Variants in SRGAP1 observed in about 807,000 individuals in gnomAD.
SRGAP1 encodes the protein SLIT-ROBO Rho GTPase-activating protein 1.
Under a neutral mutation model 121.9 loss-of-function variants are expected in SRGAP1, and 43 were observed. That is an observed-to-expected ratio of 0.35 (90% CI 0.28 to 0.46). SRGAP1 has a LOEUF of 0.46. Ranked by LOEUF, SRGAP1 falls within the 20% of genes least tolerant of loss-of-function variation. The probability of loss-of-function intolerance (pLI) is 1.00; values close to 1 mark genes in which losing one functional copy is unlikely to be tolerated. For missense variants in SRGAP1, 1,102 were observed against 1,350.9 expected, an observed-to-expected ratio of 0.82 and a Z score of 2.89; for synonymous variants, 447 against 485.4, an observed-to-expected ratio of 0.92 and a Z score of 1.04.
intron 18 of SRGAP1, among the ~76,000 whole-genome samples, chr12:64,117,571 T>A (rs1324858433): frequency 6.6e-6 from 1 of 152,238 alleles, no homozygotes; most frequent in Non-Finnish European, 1.5e-5. Flanking sequence ...CTTTAAGAAA[T>A]CCTTCTGTGT....
chr12:63,880,344 G>A (rs1239900566), intron 1 of SRGAP1, among the ~76,000 whole-genome samples: 1 of 151,970 alleles, frequency 6.6e-6, no homozygotes, highest in Admixed American at 6.6e-5. Flanking sequence ...TGATTCTCCT[G>A]ACTCAGCCTC....
chr12:64,125,581 A>G (rs1347341236), intron 18 of SRGAP1, among the ~76,000 whole-genome samples: 1 of 152,222 alleles, frequency 6.6e-6, no homozygotes, highest in Non-Finnish European at 1.5e-5. Flanking sequence ...ACATGTTACA[A>G]GGAAATTCCC....
In SRGAP1 at chr12:63,883,081, G is replaced by A. The variant is rs115533301; in HGVS notation, c.67+38198G>A. ...CACAGCTGCCTTGCAGGAGATGCAG[G>A]CCCACCTGCCAGCCCCATTATTCCC... On this transcript the variant is annotated intron_variant, in intron 1 of 21. Coordinates refer to ENST00000355086, the MANE Select transcript of SRGAP1 (RefSeq NM_020762.4). Among the ~76,000 whole-genome samples the A allele has an allele frequency of 9.4e-3, 1,427 of 152,330 alleles. 29 individuals are homozygous for A. Among genetic ancestry groups the A allele is most frequent in the African/African-American group, 0.032 (1,324 of 41,566 alleles).
intron 1 of SRGAP1, among the ~76,000 whole-genome samples, chr12:63,863,718 G>T (rs971699441): frequency 2.0e-5 from 3 of 152,166 alleles, no homozygotes; most frequent in African/African-American, 7.2e-5. Context: ...ACATCTATCT[G>T]TATTGTTAAA....
At chr12:64,028,575 A>G (rs2034703856) in intron 4 of SRGAP1, among the ~76,000 whole-genome samples, 1 of 152,224 alleles carries the variant, frequency 6.6e-6, no homozygotes. Context: ...CCAGTTCTAG[A>G]GCTGGGACAT....
At chr12:63,916,032 C>CTTTTTTTTTTTT (rs140042368) in intron 1 of SRGAP1, among the ~76,000 whole-genome samples, 8 of 125,182 alleles carry the variant, frequency 6.4e-5, no homozygotes, top group Non-Finnish European at 1.3e-4. Flanking sequence ...CTTTTCTTTT[C>CTTTTTTTTTTTT]TTTTTTTTTT....
At chr12:63,936,028 A>G (rs1420910088) in intron 1 of SRGAP1, among the ~76,000 whole-genome samples, 1 of 152,236 alleles carries the variant, frequency 6.6e-6, no homozygotes, top group Non-Finnish European at 1.5e-5. Context: ...ATCTCCTCTG[A>G]TGAGAGTAGG....
At chr12:63,921,054 G>A (rs1386011327) in intron 1 of SRGAP1, among the ~76,000 whole-genome samples, 1 of 152,016 alleles carries the variant, frequency 6.6e-6, no homozygotes, top group African/African-American at 2.4e-5. Context: ...TCAGTGAGTG[G>A]TGGCCCATCC....
rs894032151 is a variant in SRGAP1, at chr12:63,855,767, C to T, written c.67+10884C>T. On this transcript the variant is annotated intron_variant, in intron 1 of 21. Transcript: ENST00000355086. ...CCTTCCAAAGTGCTGGGATTACAGG[C>T]GTGAGCCACCATGCCCAGCCAGAAT... Among the ~76,000 whole-genome samples the T allele has an allele frequency of 1.1e-4, 17 of 151,150 alleles. No homozygotes were observed. The East Asian group carries it at 2.8e-3, about 25-fold the overall frequency.
rs958957203 is a variant in SRGAP1 at position 64,127,650 on chromosome 12, A to G, written c.2466A>G (p.Pro822=). Residue 822 remains proline, a synonymous_variant, in exon 20 of 22, where the codon CCA becomes CCG. Transcript: ENST00000355086. ...QKADSEASSG[P]VTEDKSSSKD... is the part of the protein sequence containing the mutation. ...CCGACAGTGAGGCCAGCAGTGGGCC[A>G]GTCACGGAAGACAAGTCCTCATCCA... The G allele has an allele frequency of 6.2e-7, 1 of 1,614,170 alleles. No individual in the cohort carries two copies. The highest frequency in any genetic ancestry group is 8.5e-7 in the Non-Finnish European group (1 of 1,180,022).
chr12:63,849,380 A>G (rs1420833070), intron 1 of SRGAP1, among the ~76,000 whole-genome samples: 1 of 152,254 alleles, frequency 6.6e-6, no homozygotes, highest in Non-Finnish European at 1.5e-5. Context: ...GACATGTTTT[A>G]TGAAGTGGAA....
At chr12:64,085,867 C>G (rs2035927341) in intron 10 of SRGAP1, among the ~76,000 whole-genome samples, 1 of 152,178 alleles carries the variant, frequency 6.6e-6, no homozygotes. Flanking sequence ...ACTCATTCTG[C>G]CAACATTTTT....
rs2037008921 is a variant in SRGAP1, at chr12:64,143,937, A to G, written c.*1265A>G. 2 of 152,246 alleles carry G rather than the reference A, an allele frequency of 1.3e-5. No individual in the cohort carries two copies. Among genetic ancestry groups the G allele is most frequent in the Non-Finnish European group, 2.9e-5 (2 of 68,080 alleles). 9.4% of individuals were successfully genotyped at this position (152,246 alleles called of 1,614,324 possible). A position where few individuals can be genotyped will look rare whatever the true frequency, so the allele number is the denominator to read the frequency against. On this transcript the variant is annotated 3_prime_UTR_variant, in exon 22 of 22. Transcript: ENST00000355086. ...GAACATGGCCTTGTGGTTCTCACCCAGTTGTGTACCTCACAACCACAACTT... is the reference window on the plus strand; with the variant it reads ...GAACATGGCCTTGTGGTTCTCACCCGGTTGTGTACCTCACAACCACAACTT...
chr12:63,978,395 C>T (rs527679218), intron 1 of SRGAP1, among the ~76,000 whole-genome samples: 1 of 152,160 alleles, frequency 6.6e-6, no homozygotes, highest in Non-Finnish European at 1.5e-5. Flanking sequence ...TCTAGGCAAC[C>T]CCTAATCTAC....
intron 4 of SRGAP1, among the ~76,000 whole-genome samples, chr12:64,026,693 C>G (rs1298689618): frequency 6.6e-6 from 1 of 151,340 alleles, no homozygotes; most frequent in Non-Finnish European, 1.5e-5. Context: ...ATGGTGAAAC[C>G]CCATCTCTAC....
At position 64,139,257 on chromosome 12, in the gene SRGAP1, C is replaced by A. The variant is rs78962865; in HGVS notation, c.2881-3038C>A. ...AAATGCCCCATAGGAGACAGTACCA[C>A]TTTCAGTGAGATCCACTGGAAAACT... On this transcript the variant is annotated intron_variant, in intron 21 of 21. Transcript: ENST00000355086. 7.0e-3 allele frequency among the ~76,000 whole-genome samples: 1,062 copies of A among 152,298 alleles called. 17 individuals are homozygous for A. The highest frequency in any genetic ancestry group is 0.024 in the African/African-American group (995 of 41,554).
Position 64,108,997 on chromosome 12 carries a change from G to A in SRGAP1, c.1879G>A (p.Val627Ile), listed in dbSNP as rs2136612313. The stretch of plus-strand genomic sequence containing the variant: ...ACTCCTCCTGACTTTGCCCAGGTCG[G>A]TCCTTATAGTGATGAGGTACCTCTT... ...RKLLLTLPRS[V>I]LIVMRYLFAF... Residue 627 changes from valine to isoleucine, a missense_variant, in exon 16 of 22, where the codon GTC becomes ATC. Val to Ile is a conservative substitution (Grantham distance 29). Around this residue, in one of 3 missense-constraint regions of SRGAP1, gnomAD observed 747 missense variants for 929.4 expected, o/e 0.80. Transcript: ENST00000355086. 1 of 1,596,758 alleles carries A rather than the reference G, an allele frequency of 6.3e-7. No individual in the cohort carries two copies. Among genetic ancestry groups the A allele is most frequent in the East Asian group, 2.2e-5 (1 of 44,612 alleles).
At chr12:64,097,024 T>G (rs1043876415) in intron 14 of SRGAP1, among the ~76,000 whole-genome samples, 2 of 152,206 alleles carry the variant, frequency 1.3e-5, no homozygotes, top group Admixed American at 1.3e-4. Flanking sequence ...TTTAGTAGCA[T>G]AAGATTTTAA....
intron 1 of SRGAP1, among the ~76,000 whole-genome samples, chr12:63,862,808 G>C (rs908597653): frequency 6.6e-6 from 1 of 152,142 alleles, no homozygotes; most frequent in Non-Finnish European, 1.5e-5. Context: ...TTATCCTTCT[G>C]CTCATATTGA....
Sources: allele counts gnomAD v4.1 joint callset (sites outside exome capture counted in the v4.1 genomes callset), GRCh38; gene constraint gnomAD v4.1.1; regional missense constraint gnomAD v4.1.1; transcripts MANE v1.5; gene names NCBI Gene and HGNC (gene_info 2026-07-23, HGNC 2026-07-21).